The following PCDHAC1 variants were observed in gnomAD, a reference collection of about 807,000 sequenced individuals.
The protein encoded by PCDHAC1 is protocadherin alpha subfamily C, 1, also known as protocadherin alpha-C1.
A neutral mutation model predicts 60.0 loss-of-function variants in PCDHAC1; 42 were observed. The observed-to-expected ratio is 0.70, with a 90% confidence interval of 0.55 to 0.90. The LOEUF (loss-of-function observed/expected upper bound fraction) is 0.90. PCDHAC1 is among the 40% of genes least tolerant of loss of function. PCDHAC1 has a pLI of 0.00. For synonymous variants in PCDHAC1, 468 were observed against 499.3 expected (o/e 0.94, Z 0.84); for missense variants, 1,160 against 1,222.3 (o/e 0.95, Z 0.76).
At chr5:140,957,189 G>T (rs1376112973) in intron 1 of PCDHAC1, among the ~76,000 whole-genome samples, 1 of 152,174 alleles carries the variant, frequency 6.6e-6, no homozygotes, top group South Asian at 2.1e-4. Context: ...ATTGATGACC[G>T]ATTGGGAATA....
intron 3 of PCDHAC1, 48 bp from the exon 4 acceptor site, chr5:141,009,579 A>T: frequency 6.3e-7 from 1 of 1,586,202 alleles, no homozygotes; most frequent in Non-Finnish European, 8.6e-7. Context: ...TGTGGCATCA[A>T]GAGCATGTGT....
At chr5:140,938,885 A>C (rs966791166) in intron 1 of PCDHAC1, among the ~76,000 whole-genome samples, 9 of 152,144 alleles carry the variant, frequency 5.9e-5, no homozygotes, top group Non-Finnish European at 1.2e-4. Flanking sequence ...CAACACACAC[A>C]CACACAGATG....
chr5:141,005,701 CAAAAAAAAAAAAA>C (rs59860837), intron 3 of PCDHAC1, among the ~76,000 whole-genome samples: 12 of 7,786 alleles, frequency 1.5e-3, no homozygotes, highest in Non-Finnish European at 2.7e-3. Context: ...AACTCCGTCT[CAAAAAAAAAAAAA>C]AAAAAAAAAA....
chr5:140,937,160 C>T lies in PCDHAC1; in HGVS notation c.2433+7835C>T, dbSNP rs767846084. Among the ~76,000 whole-genome samples the T allele has an allele frequency of 1.0e-3, 155 of 151,762 alleles. 1 individual carries two copies. Among genetic ancestry groups the T allele is most frequent in the Admixed American group, 4.7e-3 (71 of 15,248 alleles). ...TCATGCCATTCTCCTGCCTCAGCCT[C>T]CCGAGTAGCTGGGACTACAGGCGCC... On this transcript the variant is annotated intron_variant, in intron 1 of 3. Coordinates refer to ENST00000253807, the MANE Select transcript of PCDHAC1 (RefSeq NM_018898.5).
intron 3 of PCDHAC1, among the ~76,000 whole-genome samples, chr5:140,983,660 A>G (rs1460631508): frequency 6.6e-6 from 1 of 152,244 alleles, no homozygotes; most frequent in African/African-American, 2.4e-5. Context: ...TAAGTGGCAG[A>G]GGGTAGGATT....
At position 140,966,633 on chromosome 5, in the gene PCDHAC1, C is replaced by T. The variant is rs2096029445; in HGVS notation, c.2434-12316C>T. ...GGCCTACGGAGGGAGCGGCCCCAGG[C>T]GCTTTCTAGAGCGTGAGCGGTGGGG... On this transcript the variant is annotated intron_variant, in intron 1 of 3. Transcript: ENST00000253807. 9 of 1,005,684 alleles carry T rather than the reference C, an allele frequency of 8.9e-6. No homozygotes were observed. In the South Asian group the frequency reaches 1.6e-4, roughly 18 times the overall value. 62.3% of individuals were successfully genotyped at this position (1,005,684 alleles called of 1,614,324 possible).
chr5:140,977,245 AC>A (rs2096751811), intron 1 of PCDHAC1, among the ~76,000 whole-genome samples: 1 of 152,212 alleles, frequency 6.6e-6, no homozygotes, highest in Non-Finnish European at 1.5e-5. Context: ...AAAATTGGCA[AC>A]ATTTCTCAGC....
At chr5:140,972,612 C>T (rs1554234244) in intron 1 of PCDHAC1, among the ~76,000 whole-genome samples, 2 of 151,080 alleles carry the variant, frequency 1.3e-5, no homozygotes, top group African/African-American at 4.9e-5. Context: ...GAACTTGATA[C>T]TGAATGTTGT....
At chr5:140,997,911 C>T (rs2097790216) in intron 3 of PCDHAC1, among the ~76,000 whole-genome samples, 1 of 152,120 alleles carries the variant, frequency 6.6e-6, no homozygotes, top group East Asian at 1.9e-4. Context: ...AGTAGAATTA[C>T]AGAATCATAG....
At chr5:140,970,775 C>T (rs2096433002) in intron 1 of PCDHAC1, among the ~76,000 whole-genome samples, 1 of 152,160 alleles carries the variant, frequency 6.6e-6, no homozygotes, top group Non-Finnish European at 1.5e-5. Context: ...GCTGTACATA[C>T]ATATTGTATG....
chr5:140,953,034 C>T (rs1337571700), intron 1 of PCDHAC1, among the ~76,000 whole-genome samples: 1 of 152,168 alleles, frequency 6.6e-6, no homozygotes, highest in Non-Finnish European at 1.5e-5. Context: ...GGGAAATCCA[C>T]CCCCATGATC....
chr5:140,935,563 C>T (rs1554210554), intron 1 of PCDHAC1, among the ~76,000 whole-genome samples: 1 of 152,176 alleles, frequency 6.6e-6, no homozygotes. Context: ...GGAAAAGTTC[C>T]TCTCTGTGTA....
rs74597681 is a variant in PCDHAC1, at chr5:140,927,417, G to A, written c.525G>A (p.Ser175=). The A allele has an allele frequency of 0.023, 37,118 of 1,614,096 alleles. 560 individuals carry two copies. The highest frequency in any genetic ancestry group is 0.056 in the African/African-American group (4,216 of 75,040). The change falls in exon 1 of 4, where the codon TCG becomes TCA. Residue 175 remains serine, a synonymous_variant. Coordinates refer to ENST00000253807, the MANE Select transcript of PCDHAC1 (RefSeq NM_018898.5). ...AGCACTTTCGCCTGGACATGGGATC[G>A]CGGGTTGACGGCAGCGAATACCCGG... ...PSQHFRLDMG[S]RVDGSEYPEL...
intron 1 of PCDHAC1, among the ~76,000 whole-genome samples, chr5:140,939,691 G>A (rs782722243): frequency 3.5e-4 from 53 of 152,250 alleles, no homozygotes; most frequent in African/African-American, 1.2e-3. Context: ...TGTGTTGCTG[G>A]ACATTATCAT....
chr5:140,942,660 A>G (rs145204660), intron 1 of PCDHAC1, among the ~76,000 whole-genome samples: 2 of 152,306 alleles, frequency 1.3e-5, no homozygotes, highest in East Asian at 1.9e-4. Context: ...CAGAAAAGCA[A>G]TAAGCACAAA....
chr5:140,987,075 G>C (rs564788093), intron 3 of PCDHAC1, among the ~76,000 whole-genome samples: 1 of 152,006 alleles, frequency 6.6e-6, no homozygotes, highest in Admixed American at 6.5e-5. Context: ...TGAGCTGGGC[G>C]TGGTGGCAGG....
intron 1 of PCDHAC1, among the ~76,000 whole-genome samples, chr5:140,937,761 A>C (rs868923892): frequency 6.6e-6 from 1 of 151,650 alleles, no homozygotes; most frequent in Non-Finnish European, 1.5e-5. Flanking sequence ...AAATACAAAA[A>C]ATTAGTCGGG....
chr5:140,947,772 G>A (rs77655739), intron 1 of PCDHAC1, among the ~76,000 whole-genome samples: 3,551 of 151,528 alleles, frequency 0.023, 49 homozygotes, highest in Middle Eastern at 0.034. Flanking sequence ...AAATTCTATT[G>A]TAAATGGATT....
chr5:140,968,564 G>C (rs565573880), intron 1 of PCDHAC1: 1 of 1,614,168 alleles, frequency 6.2e-7, no homozygotes, highest in South Asian at 1.1e-5. Context: ...AACTGCCCCT[G>C]CTGGCTACCT....
Sources: allele counts gnomAD v4.1 joint callset (sites outside exome capture counted in the v4.1 genomes callset), GRCh38; gene constraint gnomAD v4.1.1; transcripts MANE v1.5; gene names NCBI Gene and HGNC (gene_info 2026-07-23, HGNC 2026-07-21).